Variants in MCC observed in about 807,000 individuals in gnomAD.
MCC encodes the protein MCC regulator of Wnt signaling pathway.
In MCC, 90 loss-of-function variants were observed where a neutral mutation model predicts 116.2. That is an observed-to-expected ratio of 0.77 (90% CI 0.65 to 0.92). The LOEUF (loss-of-function observed/expected upper bound fraction) is 0.92, where lower values mean the gene tolerates loss of function less well. Among genes scored for constraint, MCC ranks in the 40% least tolerant of loss-of-function variants. MCC has a pLI of 0.00. For synonymous variants in MCC, 578 were observed against 510.5 expected, an observed-to-expected ratio of 1.13 and a Z score of -1.78; for missense variants, 1,516 against 1,312.2, an observed-to-expected ratio of 1.16 and a Z score of -2.40.
rs192441109 is a variant in MCC at position 113,331,771 on chromosome 5, C to T, written c.627+8748G>A. ...CTTGCCTCAGCTTCCCGAGTAGCTTCGAGTACAGGCACCCGCCACCACAAC... is the reference window on the plus strand; with the variant it reads ...CTTGCCTCAGCTTCCCGAGTAGCTTTGAGTACAGGCACCCGCCACCACAAC... On this transcript the variant is annotated intron_variant, in intron 3 of 18. Coordinates refer to ENST00000408903, the MANE Select transcript of MCC (RefSeq NM_001085377.2). Among the ~76,000 whole-genome samples, 121 of 141,456 alleles carry T rather than the reference C, an allele frequency of 8.6e-4. 1 individual carries two copies. The Middle Eastern group carries it at 0.014, about 16-fold the overall frequency. 92.8% of individuals were successfully genotyped at this position (141,456 alleles called of 152,430 possible).
intron 8 of MCC, among the ~76,000 whole-genome samples, chr5:113,098,639 A>G (rs1756197348): frequency 6.6e-6 from 1 of 152,210 alleles, no homozygotes; most frequent in Non-Finnish European, 1.5e-5. Flanking sequence ...CTCTGCCACT[A>G]GCCCAATTTG....
chr5:113,083,065 T>G, intron 10 of MCC, 57 bp from the exon 11 acceptor site: 1 of 1,511,020 alleles, frequency 6.6e-7, no homozygotes, highest in Non-Finnish European at 9.0e-7. Context: ...GATGCATGTT[T>G]TGCATGCAAA....
intron 1 of MCC, among the ~76,000 whole-genome samples, chr5:113,459,468 G>A (rs1016240885): frequency 2.6e-5 from 4 of 151,542 alleles, no homozygotes; most frequent in Non-Finnish European, 5.9e-5. Context: ...AACCCAGGAG[G>A]TAGAGCTTGC....
At chr5:113,376,574 T>TATACACACACACACACACAC (rs10633405) in intron 2 of MCC, among the ~76,000 whole-genome samples, 7 of 145,774 alleles carry the variant, frequency 4.8e-5, no homozygotes, top group Admixed American at 1.4e-4. Flanking sequence ...CCATATTTTA[T>TATACACACACACACACACAC]ACACACACAC....
chr5:113,287,595 G>A (rs7727056), intron 3 of MCC, among the ~76,000 whole-genome samples: 22,295 of 152,188 alleles, frequency 0.15, 1,693 homozygotes, highest in Non-Finnish European at 0.17. Flanking sequence ...AAAGTGCTGG[G>A]ATTACAGGCA....
chr5:113,387,426 A>G (rs1427899641), intron 1 of MCC, among the ~76,000 whole-genome samples: 2 of 152,368 alleles, frequency 1.3e-5, no homozygotes, highest in East Asian at 3.9e-4. Context: ...AGGGATGATT[A>G]GGATTGCTAA....
chr5:113,145,320 A>ATC (rs1298086751), intron 4 of MCC, among the ~76,000 whole-genome samples: 1 of 152,088 alleles, frequency 6.6e-6, no homozygotes, highest in Non-Finnish European at 1.5e-5. Flanking sequence ...TCTGACCTGG[A>ATC]TCTCATCAAT....
rs186514138 is a variant in MCC at position 113,073,802 on chromosome 5, A to G, written c.1785-2568T>C. ...ACTGCTAGCACAGCAGTCTGAGATC[A>G]AACTGCAAGGCCACAGCGAGGTTGG... On this transcript the variant is annotated intron_variant, in intron 11 of 18. Transcript: ENST00000408903. Among the ~76,000 whole-genome samples, 229 of 152,322 alleles carry G rather than the reference A, an allele frequency of 1.5e-3. 2 individuals carry two copies. The highest frequency in any genetic ancestry group is 5.2e-3 in the African/African-American group (218 of 41,560).
rs1290389119 is a variant in MCC at position 113,127,416 on chromosome 5, G to A, written c.885-4590C>T. ...GCTAGTTCTGCTTTTAGCTCTTTGA[G>A]GAATTGCCATACTGTTTCCCACAAT... On this transcript the variant is annotated intron_variant, in intron 5 of 18. Coordinates refer to ENST00000408903, the MANE Select transcript of MCC (RefSeq NM_001085377.2). Among the ~76,000 whole-genome samples the A allele has an allele frequency of 2.0e-5, 3 of 152,132 alleles. No individual in the cohort carries two copies. In the South Asian group the frequency reaches 6.2e-4, roughly 31 times the overall value.
intron 11 of MCC, among the ~76,000 whole-genome samples, chr5:113,074,139 C>T (rs1049968681): frequency 8.5e-5 from 13 of 152,164 alleles, no homozygotes; most frequent in South Asian, 2.1e-4. Flanking sequence ...CAGTAGGGGC[C>T]GACTGACACC....
chr5:113,139,534 CA>C (rs1413130384), intron 5 of MCC, among the ~76,000 whole-genome samples: 4 of 152,042 alleles, frequency 2.6e-5, no homozygotes, highest in African/African-American at 7.2e-5. Context: ...TAGAGAAATG[CA>C]AATCAAAAAC....
intron 1 of MCC, among the ~76,000 whole-genome samples, chr5:113,401,390 CA>C (rs1769682862): frequency 6.6e-6 from 1 of 152,098 alleles, no homozygotes; most frequent in Non-Finnish European, 1.5e-5. Flanking sequence ...AAGTGCTACT[CA>C]ATAGAATAAC....
chr5:113,168,762 G>C (rs565352924), intron 3 of MCC, among the ~76,000 whole-genome samples: 1 of 152,010 alleles, frequency 6.6e-6, no homozygotes, highest in East Asian at 1.9e-4. Flanking sequence ...GGAAAACAGG[G>C]GCAACAGATC....
chr5:113,266,070 G>T (rs1245864064), intron 3 of MCC, among the ~76,000 whole-genome samples: 2 of 152,124 alleles, frequency 1.3e-5, no homozygotes, highest in Non-Finnish European at 2.9e-5. Context: ...TCAGGCATTT[G>T]AATTTCAACT....
At chr5:113,410,851 A>G (rs573554875) in intron 1 of MCC, among the ~76,000 whole-genome samples, 50 of 152,196 alleles carry the variant, frequency 3.3e-4, no homozygotes, top group Non-Finnish European at 1.8e-4. Flanking sequence ...GTGAGAACAC[A>G]TGGTGTTTGG....
At chr5:113,256,228 G>T (rs1344516948) in intron 3 of MCC, among the ~76,000 whole-genome samples, 1 of 152,102 alleles carries the variant, frequency 6.6e-6, no homozygotes, top group Admixed American at 6.5e-5. Context: ...GGAGAGGTAG[G>T]TAACACCACT....
At chr5:113,466,722 T>G (rs1771920749) in intron 1 of MCC, among the ~76,000 whole-genome samples, 1 of 152,176 alleles carries the variant, frequency 6.6e-6, no homozygotes. Flanking sequence ...CTGGGTCAAA[T>G]GGTATTTCTA....
chr5:113,204,196 G>A (rs796647990), intron 3 of MCC, among the ~76,000 whole-genome samples: 9 of 152,262 alleles, frequency 5.9e-5, no homozygotes, highest in African/African-American at 1.9e-4. Flanking sequence ...TCAGCATTAT[G>A]GGCAAGAACA....
At chr5:113,367,875 A>G (rs1561540313) in intron 2 of MCC, among the ~76,000 whole-genome samples, 1 of 152,180 alleles carries the variant, frequency 6.6e-6, no homozygotes, top group African/African-American at 2.4e-5. Flanking sequence ...CAATTGTCCA[A>G]CATTCCTTAC....
Sources: allele counts gnomAD v4.1 joint callset (sites outside exome capture counted in the v4.1 genomes callset), GRCh38; gene constraint gnomAD v4.1.1; transcripts MANE v1.5; gene names NCBI Gene and HGNC (gene_info 2026-07-23, HGNC 2026-07-21).